Variants in CDC40 observed in about 807,000 individuals in gnomAD.
CDC40 encodes pre-mRNA-processing factor 17.
In CDC40, 27 loss-of-function variants were observed where a neutral mutation model predicts 80.6. The ratio of observed to expected loss-of-function variants is 0.33; its 90% CI spans 0.25 to 0.46. The LOEUF (loss-of-function observed/expected upper bound fraction) is 0.46, where lower values mean the gene tolerates loss of function less well. CDC40 is among the 20% of genes least tolerant of loss of function. The pLI is 1.00. For synonymous variants in CDC40, 221 were observed against 232.6 expected (o/e 0.95, Z 0.45); for missense variants, 486 against 694.1 (o/e 0.70, Z 3.37).
chr6:110,219,469 A>G lies in CDC40; in HGVS notation c.1196A>G (p.Lys399Arg). 1.3e-6 allele frequency: 2 copies of G among 1,567,134 alleles called. No individual in the cohort carries two copies. Among genetic ancestry groups the G allele is most frequent in the Non-Finnish European group, 1.8e-6 (2 of 1,137,674 alleles). The change falls in exon 11 of 15, where the codon AAG (lysine) becomes AGG (arginine). Residue 399 changes from lysine (K) to arginine (R), a missense_variant. Physicochemically the swap from Lys to Arg is conservative, Grantham distance 26. Around this residue, in one of 3 missense-constraint regions of CDC40, gnomAD observed 381 missense variants for 492.1 expected, o/e 0.77. Transcript: ENST00000307731. ...NLFVAGMSDKKIVQWDIRSGE... is the reference protein window; with the variant it reads ...NLFVAGMSDKRIVQWDIRSGE... ...TTTGTGGCTGGGATGTCTGATAAGAAGATTGTGCAAGTAAGTCTTTCACAG... is the reference window on the plus strand; with the variant it reads ...TTTGTGGCTGGGATGTCTGATAAGAGGATTGTGCAAGTAAGTCTTTCACAG...
intron 2 of CDC40, among the ~76,000 whole-genome samples, chr6:110,195,548 T>TA (rs143281565): frequency 1.2e-3 from 185 of 152,304 alleles, no homozygotes; most frequent in African/African-American, 4.3e-3. Flanking sequence ...TTTTCGTAGG[T>TA]AAAATGAAGA....
intron 5 of CDC40, among the ~76,000 whole-genome samples, chr6:110,209,693 C>T (rs1037968914): frequency 1.3e-5 from 2 of 152,146 alleles, no homozygotes; most frequent in South Asian, 2.1e-4. Context: ...TTCCCTTCCT[C>T]ACCTCCTAAT....
intron 3 of CDC40, among the ~76,000 whole-genome samples, chr6:110,205,930 A>AT (rs562445251): frequency 1.1e-3 from 172 of 152,222 alleles, no homozygotes; most frequent in Non-Finnish European, 2.2e-3. Flanking sequence ...CCAAAGGCTG[A>AT]TTTTCTGCCA....
chr6:110,216,006 G>A (rs1241959453), intron 9 of CDC40, among the ~76,000 whole-genome samples: 5 of 152,142 alleles, frequency 3.3e-5, no homozygotes, highest in Non-Finnish European at 7.4e-5. Flanking sequence ...TCACCAAGAA[G>A]GAACATAAGA....
chr6:110,219,902 A>G, intron 12 of CDC40, 33 bp downstream of exon 12: 3 of 1,598,182 alleles, frequency 1.9e-6, no homozygotes, highest in South Asian at 2.3e-5. Context: ...TCTGATTTAC[A>G]TAAAGCAAGC....
At chr6:110,196,607 C>T (rs1050479745) in intron 2 of CDC40, among the ~76,000 whole-genome samples, 15 of 151,996 alleles carry the variant, frequency 9.9e-5, no homozygotes, top group African/African-American at 3.6e-4. Flanking sequence ...AACAAAAACA[C>T]CAGTTACTGT....
chr6:110,209,831 A>G (rs953168895), intron 5 of CDC40, among the ~76,000 whole-genome samples: 2 of 152,196 alleles, frequency 1.3e-5, no homozygotes, highest in African/African-American at 4.8e-5. Flanking sequence ...ATCCATGTTT[A>G]TAGTAATAGA....
intron 1 of CDC40, among the ~76,000 whole-genome samples, chr6:110,185,245 T>C (rs947035615): frequency 6.3e-5 from 9 of 143,620 alleles, no homozygotes; most frequent in African/African-American, 1.3e-4. Context: ...TTTTTTCTTT[T>C]TTTTTTTTTT....
At chr6:110,222,283 G>A (rs563451956) in intron 12 of CDC40, among the ~76,000 whole-genome samples, 1 of 151,918 alleles carries the variant, frequency 6.6e-6, no homozygotes, top group Non-Finnish European at 1.5e-5. Flanking sequence ...TAAAAGCTGG[G>A]CACAGTGGCT....
At chr6:110,182,037 C>G (rs972482909) in intron 1 of CDC40, among the ~76,000 whole-genome samples, 3 of 152,176 alleles carry the variant, frequency 2.0e-5, no homozygotes, top group Non-Finnish European at 4.4e-5. Flanking sequence ...CTGCTTCTAG[C>G]TCAAGGTGAA....
At chr6:110,219,560 T>G (rs1214416381) in intron 11 of CDC40, 81 bp downstream of exon 11, 1 of 1,083,078 alleles carries the variant, frequency 9.2e-7, no homozygotes, top group Non-Finnish European at 1.4e-6. Context: ...AAGCTAATAT[T>G]ACTCATTTAA....
rs1482212210 is a variant in CDC40 at position 110,209,178 on chromosome 6, A to G, written c.585A>G (p.Pro195=). The stretch of plus-strand genomic sequence containing the variant: ...CCAATATTGATGGTTTTTTGGGACC[A>G]TGGGCAAAATATGTGGATGAAAAAG... ...DASNIDGFLG[P]WAKYVDEKDV... Residue 195 remains proline (P), a synonymous_variant, in exon 5 of 15, where the codon CCA becomes CCG. Coordinates refer to ENST00000307731, the MANE Select transcript of CDC40 (RefSeq NM_015891.3). 1.2e-6 allele frequency: 2 copies of G among 1,612,760 alleles called. No individual in the cohort carries two copies. Among genetic ancestry groups the G allele is most frequent in the East Asian group, 2.2e-5 (1 of 44,736 alleles).
Position 110,207,160 on chromosome 6 carries a change from CA to C in CDC40, c.407-342del, listed in dbSNP as rs889194219. Among the ~76,000 whole-genome samples the C allele has an allele frequency of 2.0e-5, 3 of 151,900 alleles. 1 individual carries two copies. The highest frequency in any genetic ancestry group is 4.4e-5 in the Non-Finnish European group (3 of 67,930). The stretch of plus-strand genomic sequence containing the variant: ...GAAACCCCATCTCTCCAAAAAAATA[CA>C]AAAGTTAGCTAGGGGTAATGACGCA... On this transcript the variant is annotated intron_variant, in intron 3 of 14. Transcript: ENST00000307731.
intron 8 of CDC40, among the ~76,000 whole-genome samples, chr6:110,213,909 T>G (rs947878606): frequency 1.1e-4 from 17 of 152,124 alleles, no homozygotes; most frequent in African/African-American, 4.1e-4. Context: ...ATATGCAGGA[T>G]GTCTTGAAAA....
chr6:110,209,878 C>G (rs1346501233), intron 5 of CDC40, among the ~76,000 whole-genome samples: 1 of 152,076 alleles, frequency 6.6e-6, no homozygotes, highest in Non-Finnish European at 1.5e-5. Flanking sequence ...TAAACTTATT[C>G]TACTATTTTT....
chr6:110,185,109 G>A (rs979571550), intron 1 of CDC40, among the ~76,000 whole-genome samples: 1 of 152,166 alleles, frequency 6.6e-6, no homozygotes, highest in African/African-American at 2.4e-5. Flanking sequence ...AAATGACCGT[G>A]TGCTAGACCA....
At position 110,182,194 on chromosome 6, in the gene CDC40, G is replaced by A. The variant is rs996564225; in HGVS notation, c.189+1561G>A. On this transcript the variant is annotated intron_variant, in intron 1 of 14. Coordinates refer to ENST00000307731, the MANE Select transcript of CDC40 (RefSeq NM_015891.3). ...GATCTGTAAAGTAGGAATAACAGTA[G>A]TACCTATCTAACAGAATTATAATAA... 6.6e-5 allele frequency among the ~76,000 whole-genome samples: 10 copies of A among 152,324 alleles called. No homozygotes were observed. In the East Asian group the frequency reaches 1.7e-3, roughly 26 times the overall value.
chr6:110,218,702 T>C (rs1037141660), intron 10 of CDC40, among the ~76,000 whole-genome samples: 3 of 152,208 alleles, frequency 2.0e-5, no homozygotes, highest in Non-Finnish European at 2.9e-5. Flanking sequence ...GGTATGGCTA[T>C]AGACTAGATG....
In CDC40 at chr6:110,201,645, G is replaced by T; in HGVS notation, c.364G>T (p.Asp122Tyr). ...SGYAEPAHIN[D>Y]FMFEQQRRTF... ...ATATGCCGAACCAGCTCATATCAAT[G>T]ATTTCATGTTTGAGCAGCAAAGGAG... is the stretch of plus-strand genomic sequence containing the variant. Residue 122 changes from aspartate (D) to tyrosine (Y), a missense_variant, in exon 3 of 15, where the codon GAT becomes TAT. Asp to Tyr is a radical substitution (Grantham distance 160, BLOSUM62 -3). Around this residue, in one of 3 missense-constraint regions of CDC40, gnomAD observed 381 missense variants for 492.1 expected, o/e 0.77. Coordinates refer to ENST00000307731, the MANE Select transcript of CDC40 (RefSeq NM_015891.3). 1 of 1,613,234 alleles carries T rather than the reference G, an allele frequency of 6.2e-7. No homozygotes were observed. Among genetic ancestry groups the T allele is most frequent in the Non-Finnish European group, 8.5e-7 (1 of 1,179,376 alleles).
Sources: gnomAD v4.1 joint callset for allele counts (sites outside exome capture counted in the v4.1 genomes callset) on GRCh38, gnomAD v4.1.1 for gene constraint, gnomAD v4.1.1 regional missense constraint, MANE v1.5 for transcripts, NCBI Gene and HGNC (gene_info 2026-07-23, HGNC 2026-07-21) for gene names.